Variants in GYS2 observed in about 807,000 individuals in gnomAD.
GYS2 encodes glycogen [starch] synthase, liver.
GYS2 carries 80 observed loss-of-function variants against 85.6 expected under a neutral mutation model. That is an observed-to-expected ratio of 0.93 (90% CI 0.78 to 1.13). GYS2 has a LOEUF of 1.13. Ranked by LOEUF, GYS2 falls within the 50% of genes most tolerant of loss-of-function variation. The pLI is 0.00. For missense variants in GYS2, 881 were observed against 854.9 expected (o/e 1.03, Z -0.38); for synonymous variants, 328 against 300.7 (o/e 1.09, Z -0.94).
At chr12:21,533,023 C>T (rs1943879986), downstream of GYS2, 2 of 152,124 alleles carry the variant, frequency 1.3e-5, no homozygotes, top group South Asian at 4.1e-4. Context: ...CCAAAATGAA[C>T]AAGTGATCAT....
At chr12:21,574,111 G>A in intron 4 of GYS2, 33 bp downstream of exon 4, 1 of 1,504,230 alleles carries the variant, frequency 6.6e-7, no homozygotes, top group Non-Finnish European at 9.3e-7. Context: ...TGAAAGAAGG[G>A]TGAGTAAGAG....
intron 1 of GYS2, among the ~76,000 whole-genome samples, chr12:21,595,599 C>T (rs1424787419): frequency 2.0e-5 from 3 of 150,648 alleles, no homozygotes; most frequent in Admixed American, 6.6e-5. Context: ...GGCCTAAATG[C>T]TCCACTTAAA....
At chr12:21,564,675 T>C (rs1484963531) in intron 5 of GYS2, among the ~76,000 whole-genome samples, 1 of 152,210 alleles carries the variant, frequency 6.6e-6, no homozygotes, top group African/African-American at 2.4e-5. Flanking sequence ...AAATGAACTA[T>C]ATAATGTGAT....
At chr12:21,579,788 C>T (rs935677405) in intron 2 of GYS2, among the ~76,000 whole-genome samples, 5 of 152,140 alleles carry the variant, frequency 3.3e-5, no homozygotes, top group African/African-American at 9.7e-5. Context: ...TGGCCTCCCT[C>T]TTAGGAGGAC....
chr12:21,560,876 G>A (rs966531747), intron 7 of GYS2, among the ~76,000 whole-genome samples: 11 of 152,126 alleles, frequency 7.2e-5, no homozygotes, highest in African/African-American at 2.4e-4. Flanking sequence ...AATATTACAA[G>A]ACCAAAATTA....
intron 1 of GYS2, among the ~76,000 whole-genome samples, chr12:21,590,864 A>G (rs1455832296): frequency 6.6e-6 from 1 of 151,984 alleles, no homozygotes; most frequent in Non-Finnish European, 1.5e-5. Flanking sequence ...AATCACAGAC[A>G]CTGATGATAC....
chr12:21,582,985 GC>G (rs149478225), intron 1 of GYS2, among the ~76,000 whole-genome samples: 2,088 of 152,288 alleles, frequency 0.014, 43 homozygotes, highest in African/African-American at 0.047. Context: ...TTGGTTGGTT[GC>G]TTGTAAGTTC....
intron 13 of GYS2, among the ~76,000 whole-genome samples, chr12:21,541,910 A>G (rs116885384): frequency 6.6e-6 from 1 of 152,096 alleles, no homozygotes; most frequent in East Asian, 1.9e-4. Context: ...CTTTGTGTCT[A>G]TGTGTATTCA....
chr12:21,537,797 T>C (rs576715817), intron 15 of GYS2, among the ~76,000 whole-genome samples: 22 of 152,306 alleles, frequency 1.4e-4, no homozygotes, highest in Non-Finnish European at 2.8e-4. Context: ...CTACTTGAGA[T>C]ACTGAGATAA....
intron 8 of GYS2, 76 bp from the exon 9 acceptor site, chr12:21,559,786 G>A: frequency 1.1e-6 from 1 of 942,480 alleles, no homozygotes; most frequent in Middle Eastern, 2.3e-4. Flanking sequence ...TAATGCTATT[G>A]TTTTGTTGAC....
At chr12:21,598,769 C>T (rs1039733875) in intron 1 of GYS2, among the ~76,000 whole-genome samples, 21 of 152,180 alleles carry the variant, frequency 1.4e-4, no homozygotes, top group African/African-American at 3.6e-4. Flanking sequence ...AATGAATGAT[C>T]GTTTTACCAC....
intron 1 of GYS2, among the ~76,000 whole-genome samples, chr12:21,588,272 T>A (rs1447316766): frequency 6.6e-6 from 1 of 152,252 alleles, no homozygotes; most frequent in African/African-American, 2.4e-5. Context: ...ATTTCTTAAA[T>A]GTATTATTCC....
chr12:21,550,889 C>T (rs1298498749), intron 11 of GYS2, among the ~76,000 whole-genome samples: 12 of 152,112 alleles, frequency 7.9e-5, no homozygotes, highest in Non-Finnish European at 5.9e-5. Flanking sequence ...TTGCAGTGAA[C>T]GGAGATCGTG....
intron 4 of GYS2, among the ~76,000 whole-genome samples, chr12:21,573,484 A>C (rs1197069499): frequency 2.0e-5 from 3 of 152,198 alleles, no homozygotes; most frequent in Non-Finnish European, 2.9e-5. Flanking sequence ...TTGACATGAA[A>C]AATAGAAGAA....
At chr12:21,533,229 T>G (rs1260745054), downstream of GYS2, among the ~76,000 whole-genome samples, 1 of 152,174 alleles carries the variant, frequency 6.6e-6, no homozygotes, top group Non-Finnish European at 1.5e-5. Flanking sequence ...CCTGGGCTCT[T>G]AATTATTCTT....
At chr12:21,557,877 C>A (rs1223313828) in intron 11 of GYS2, among the ~76,000 whole-genome samples, 3 of 151,282 alleles carry the variant, frequency 2.0e-5, no homozygotes, top group African/African-American at 7.3e-5. Context: ...CCAGCCTGGG[C>A]GACAGAGCGA....
chr12:21,540,292 C>T, intron 14 of GYS2, 118 bp downstream of exon 14: 1 of 930,904 alleles, frequency 1.1e-6, no homozygotes, highest in Non-Finnish European at 1.7e-6. Flanking sequence ...CATGGAGACA[C>T]TGAGATTTTA....
intron 1 of GYS2, among the ~76,000 whole-genome samples, chr12:21,584,848 T>C (rs965567393): frequency 1.4e-4 from 22 of 152,194 alleles, no homozygotes; most frequent in Non-Finnish European, 1.5e-5. Flanking sequence ...ACAGCATTGC[T>C]TCTGACCAAG....
chr12:21,536,867 GAA>G lies in GYS2; in HGVS notation c.*85_*86del. On this transcript the variant is annotated 3_prime_UTR_variant, in exon 16 of 16. Coordinates refer to ENST00000261195, the MANE Select transcript of GYS2 (RefSeq NM_021957.4). ...AACTCCATTGTAATACTTAGAAGGA[GAA>G]AATGAAATTTGTGGCATTTTTATTT... The G allele has an allele frequency of 1.1e-6, 1 of 905,020 alleles. No homozygotes were observed. Among genetic ancestry groups the G allele is most frequent in the Non-Finnish European group, 1.8e-6 (1 of 553,492 alleles). The allele number at this position is 905,020 out of a possible 1,614,324, so 56.1% of individuals were successfully genotyped here.
Sources: gnomAD v4.1 joint callset for allele counts (sites outside exome capture counted in the v4.1 genomes callset) on GRCh38, gnomAD v4.1.1 for gene constraint, MANE v1.5 for transcripts, NCBI Gene and HGNC (gene_info 2026-07-23, HGNC 2026-07-21) for gene names.